The following PPM1H variants were observed in gnomAD, a reference collection of about 807,000 sequenced individuals.
The protein encoded by PPM1H is protein phosphatase, Mg2+/Mn2+ dependent 1H.
A neutral mutation model predicts 54.9 loss-of-function variants in PPM1H; 27 were observed. The ratio of observed to expected loss-of-function variants is 0.49; its 90% CI spans 0.36 to 0.68. PPM1H has a LOEUF of 0.68. Ranked by LOEUF, PPM1H falls within the 30% of genes least tolerant of loss-of-function variation. The pLI, the probability that PPM1H is intolerant of heterozygous loss-of-function variation, is 0.00. For synonymous variants in PPM1H, 305 were observed against 270.8 expected (o/e 1.13, Z -1.24); for missense variants, 596 against 667.8 (o/e 0.89, Z 1.19).
chr12:62,710,318 G>C (rs915745741), intron 6 of PPM1H, among the ~76,000 whole-genome samples: 1 of 152,076 alleles, frequency 6.6e-6, no homozygotes, highest in Non-Finnish European at 1.5e-5. Context: ...GATTACTTGA[G>C]CTCAGGAGTT....
At position 62,652,040 on chromosome 12, in the gene PPM1H, T is replaced by TC. The variant is rs1465873789; in HGVS notation, c.1398-3405dup. 2.0e-5 allele frequency among the ~76,000 whole-genome samples: 3 copies of TC among 152,314 alleles called. No individual in the cohort carries two copies. The East Asian group carries it at 5.8e-4, about 29-fold the overall frequency. On this transcript the variant is annotated intron_variant, in intron 9 of 9. Coordinates refer to ENST00000228705, the MANE Select transcript of PPM1H (RefSeq NM_020700.2). Reference sequence around the variant, plus strand: ...GCCCTAACTAAGACTTAGGAAGAACTCAATGATCATTAATTTCTTTTTACT... The same window carrying TC: ...GCCCTAACTAAGACTTAGGAAGAACTCCAATGATCATTAATTTCTTTTTACT...
At chr12:62,775,981 G>T (rs371084885) in intron 4 of PPM1H, among the ~76,000 whole-genome samples, 3 of 152,170 alleles carry the variant, frequency 2.0e-5, no homozygotes, top group East Asian at 3.9e-4. Context: ...GGTGAAGGAG[G>T]TACAAAGGCA....
Position 62,647,907 on chromosome 12 carries a change from C to CGAAAAAA in PPM1H, c.*575_*581dup, listed in dbSNP as rs2075794880. The CGAAAAAA allele has an allele frequency of 2.7e-5, 1 of 36,654 alleles. No homozygotes were observed. The highest frequency in any genetic ancestry group is 4.7e-5 in the Non-Finnish European group (1 of 21,130). 2.3% of individuals were successfully genotyped at this position (36,654 alleles called of 1,614,324 possible). On this transcript the variant is annotated 3_prime_UTR_variant, in exon 10 of 10. Coordinates refer to ENST00000228705, the MANE Select transcript of PPM1H (RefSeq NM_020700.2). ...ACAGATTCAAGGAATGTCAAAAACA[C>CGAAAAAA]GAAAAAAAAAAAAAAAAATCCCTGC... is the stretch of plus-strand genomic sequence containing the variant.
intron 8 of PPM1H, among the ~76,000 whole-genome samples, chr12:62,673,845 C>G (rs575863711): frequency 1.6e-4 from 24 of 150,082 alleles, no homozygotes; most frequent in Middle Eastern, 3.4e-3. Context: ...CCCATCTCAG[C>G]CTTTCAAGTA....
At chr12:62,845,985 G>A (rs1250373074) in intron 1 of PPM1H, among the ~76,000 whole-genome samples, 5 of 152,048 alleles carry the variant, frequency 3.3e-5, no homozygotes, top group African/African-American at 9.7e-5. Flanking sequence ...CTCAGCCTGC[G>A]GGGCTAAGTC....
At chr12:62,867,078 T>C (rs1384237167) in intron 1 of PPM1H, among the ~76,000 whole-genome samples, 1 of 152,116 alleles carries the variant, frequency 6.6e-6, no homozygotes, top group Non-Finnish European at 1.5e-5. Flanking sequence ...ACCAAAAAGC[T>C]GAGTTGATCC....
At chr12:62,827,184 A>G (rs1868300332) in intron 2 of PPM1H, among the ~76,000 whole-genome samples, 1 of 152,174 alleles carries the variant, frequency 6.6e-6, no homozygotes, top group Non-Finnish European at 1.5e-5. Flanking sequence ...AATCAGAATC[A>G]GTATACTCAA....
At chr12:62,927,138 G>A (rs1038832882) in intron 1 of PPM1H, among the ~76,000 whole-genome samples, 3 of 152,218 alleles carry the variant, frequency 2.0e-5, no homozygotes, top group Non-Finnish European at 2.9e-5. Flanking sequence ...ACTGCTGGCT[G>A]CAGTGTGAAT....
At chr12:62,666,967 C>A (rs1426095827) in intron 9 of PPM1H, among the ~76,000 whole-genome samples, 2 of 152,168 alleles carry the variant, frequency 1.3e-5, no homozygotes, top group African/African-American at 4.8e-5. Flanking sequence ...CCGCCTTGGC[C>A]CCCCAAAGTG....
chr12:62,889,120 T>A (rs1870692151), intron 1 of PPM1H, among the ~76,000 whole-genome samples: 1 of 152,108 alleles, frequency 6.6e-6, no homozygotes, highest in Non-Finnish European at 1.5e-5. Context: ...CCACTTCCAT[T>A]CCACAGTCAG....
At position 62,817,116 on chromosome 12, in the gene PPM1H, TA is replaced by T. The variant is rs1189819660; in HGVS notation, c.412-14957del. On this transcript the variant is annotated intron_variant, in intron 2 of 9. Coordinates refer to ENST00000228705, the MANE Select transcript of PPM1H (RefSeq NM_020700.2). ...GTTTTGAAAGAAACCACTGCATTACTAAAAAAAAAAAAAAAAAAAAGAAAAA... is the reference window on the plus strand; with the variant it reads ...GTTTTGAAAGAAACCACTGCATTACTAAAAAAAAAAAAAAAAAAAGAAAAA... 9.8e-3 allele frequency among the ~76,000 whole-genome samples: 409 copies of T among 41,780 alleles called. 2 individuals are homozygous for T. The highest frequency in any genetic ancestry group is 0.028 in the African/African-American group (344 of 12,130). The allele number at this position is 41,780 out of a possible 152,430, so 27.4% of individuals were successfully genotyped here.
rs374780849 is a variant in PPM1H, at chr12:62,833,489, GA to G, written c.246-1211del. Among the ~76,000 whole-genome samples the G allele has an allele frequency of 2.3e-3, 349 of 152,158 alleles. 5 individuals are homozygous for G. Among genetic ancestry groups the G allele is most frequent in the African/African-American group, 7.5e-3 (313 of 41,492 alleles). On this transcript the variant is annotated intron_variant, in intron 1 of 9. Coordinates refer to ENST00000228705, the MANE Select transcript of PPM1H (RefSeq NM_020700.2). ...TAAGACAGTACAATATCAAAACTGA[GA>G]AAATGACATTGATACAATACTCTCA... is the stretch of plus-strand genomic sequence containing the variant.
chr12:62,696,953 C>T (rs958686248), intron 6 of PPM1H, among the ~76,000 whole-genome samples: 15 of 152,134 alleles, frequency 9.9e-5, no homozygotes, highest in Non-Finnish European at 1.2e-4. Context: ...CCACTCTCTT[C>T]GGGTGACCAG....
At chr12:62,878,227 A>G (rs1870252438) in intron 1 of PPM1H, among the ~76,000 whole-genome samples, 1 of 152,124 alleles carries the variant, frequency 6.6e-6, no homozygotes, top group South Asian at 2.1e-4. Context: ...GTCTAATACT[A>G]AATTCTACTT....
At chr12:62,835,266 A>G (rs1868468666) in intron 1 of PPM1H, among the ~76,000 whole-genome samples, 1 of 152,176 alleles carries the variant, frequency 6.6e-6, no homozygotes, top group Non-Finnish European at 1.5e-5. Flanking sequence ...GTGGTTATTA[A>G]ACTCCAAAGT....
At chr12:62,704,033 G>A (rs1489886379) in intron 6 of PPM1H, among the ~76,000 whole-genome samples, 1 of 149,810 alleles carries the variant, frequency 6.7e-6, no homozygotes, top group South Asian at 2.1e-4. Context: ...GGCAACACAA[G>A]AAGAGTCTGA....
intron 8 of PPM1H, among the ~76,000 whole-genome samples, chr12:62,682,679 C>CT (rs1171605471): frequency 6.6e-6 from 1 of 152,066 alleles, no homozygotes; most frequent in Non-Finnish European, 1.5e-5. Context: ...AATTTTTAAA[C>CT]TTTTTGTAGA....
At chr12:62,682,335 G>A (rs1463353374) in intron 8 of PPM1H, among the ~76,000 whole-genome samples, 2 of 152,278 alleles carry the variant, frequency 1.3e-5, no homozygotes. Context: ...TCTTATGAAT[G>A]GGCCAGACTG....
intron 4 of PPM1H, among the ~76,000 whole-genome samples, chr12:62,741,415 G>C (rs546245670): frequency 1.3e-5 from 2 of 152,172 alleles, no homozygotes; most frequent in Non-Finnish European, 2.9e-5. Context: ...TTAAAGCACC[G>C]CTCTCATCAT....
Sources: allele counts gnomAD v4.1 joint callset (sites outside exome capture counted in the v4.1 genomes callset), GRCh38; gene constraint gnomAD v4.1.1; transcripts MANE v1.5; gene names NCBI Gene and HGNC (gene_info 2026-07-23, HGNC 2026-07-21).